Variants in SDK2 observed in about 807,000 individuals in gnomAD.
The protein encoded by SDK2 is sidekick cell adhesion molecule 2, also known as protein sidekick-2.
A neutral mutation model predicts 253.9 loss-of-function variants in SDK2; 105 were observed. The ratio of observed to expected loss-of-function variants is 0.41; its 90% CI spans 0.35 to 0.49. The LOEUF is 0.49. Ranked by LOEUF, SDK2 falls within the 20% of genes least tolerant of loss-of-function variation. The probability of loss-of-function intolerance (pLI) is 0.06; values close to 1 mark genes in which losing one functional copy is unlikely to be tolerated. For synonymous variants in SDK2, 1,249 were observed against 1,234.9 expected (o/e 1.01, Z -0.24); for missense variants, 2,608 against 3,003.0 (o/e 0.87, Z 3.07).
At position 73,391,513 on chromosome 17, in the gene SDK2, C is replaced by T; in HGVS notation, c.3924G>A (p.Leu1308=). The stretch of plus-strand genomic sequence containing the variant: ...CAGACGTGGTCCGCACCTCTGGGAA[C>T]AGGATGCCCATGGGTGGTCCTGGGA... ...DDVPGPPMGI[L]FPEVRTTSVR... is the part of the protein sequence containing the mutation. Residue 1308 remains leucine (L), a synonymous_variant, in exon 28 of 45, where the codon CTG becomes CTA. Coordinates refer to ENST00000392650, the MANE Select transcript of SDK2 (RefSeq NM_001144952.2). The T allele has an allele frequency of 7.7e-7, 1 of 1,304,816 alleles. No homozygotes were observed. The allele number at this position is 1,304,816 out of a possible 1,614,324, so 80.8% of individuals were successfully genotyped here. A position where few individuals can be genotyped will look rare whatever the true frequency, so the allele number is the denominator to read the frequency against.
intron 14 of SDK2, 42 bp downstream of exon 14, chr17:73,423,344 A>G (rs1378373900): frequency 6.6e-6 from 9 of 1,366,620 alleles, no homozygotes; most frequent in Non-Finnish European, 8.6e-6. Context: ...CCTAAGTCCA[A>G]GCTTGGGCGG....
chr17:73,391,650 C>T (rs1001988051), intron 27 of SDK2, 112 bp from the exon 28 acceptor site: 1 of 444,902 alleles, frequency 2.2e-6, no homozygotes, highest in Admixed American at 4.4e-5. Flanking sequence ...GGCCGCCCAG[C>T]TCAGTGAATT....
intron 1 of SDK2, among the ~76,000 whole-genome samples, chr17:73,524,053 C>T (rs1288311480): frequency 6.6e-6 from 1 of 152,172 alleles, no homozygotes; most frequent in East Asian, 1.9e-4. Context: ...CATCCCTTAC[C>T]TGCCCCTGCA....
intron 1 of SDK2, among the ~76,000 whole-genome samples, chr17:73,614,913 G>A (rs898413866): frequency 2.6e-5 from 4 of 151,188 alleles, no homozygotes; most frequent in Admixed American, 1.3e-4. Flanking sequence ...GGTTAGAAGC[G>A]CAAACCTCAG....
At chr17:73,404,150 T>C (rs1477100839) in intron 18 of SDK2, among the ~76,000 whole-genome samples, 1 of 152,214 alleles carries the variant, frequency 6.6e-6, no homozygotes, top group Non-Finnish European at 1.5e-5. Flanking sequence ...CAGTGTGGTT[T>C]GTGGAGTCAC....
intron 38 of SDK2, 28 bp downstream of exon 38, chr17:73,365,230 G>C: frequency 6.5e-7 from 1 of 1,533,276 alleles, no homozygotes; most frequent in Non-Finnish European, 8.8e-7. Context: ...GTGGGGGGCT[G>C]GGGAGCTGTG....
chr17:73,368,813 T>C (rs895208003), intron 36 of SDK2, among the ~76,000 whole-genome samples: 3 of 152,040 alleles, frequency 2.0e-5, no homozygotes, highest in African/African-American at 7.2e-5. Context: ...AGTTCAAGAC[T>C]AGCCTGGCCA....
intron 24 of SDK2, 137 bp downstream of exon 24, chr17:73,397,898 T>G: frequency 9.3e-6 from 9 of 968,520 alleles, no homozygotes; most frequent in Non-Finnish European, 1.4e-5. Flanking sequence ...TGGGCTAAGA[T>G]GTTGATTATC....
At chr17:73,559,588 C>T (rs904749799) in intron 1 of SDK2, among the ~76,000 whole-genome samples, 6 of 145,060 alleles carry the variant, frequency 4.1e-5, no homozygotes, top group African/African-American at 7.9e-5. Context: ...CTCCCCACTC[C>T]GCTCCCTGTG....
In SDK2 at chr17:73,401,009, T is replaced by C; in HGVS notation, c.2971+11A>G. ...AACTCAAAGAGTCCTGCCTTGAGAG[T>C]GGGCACTTACCTGGGGGCACCCCAG... On this transcript the variant is annotated intron_variant, in intron 21 of 44. Coordinates refer to ENST00000392650, the MANE Select transcript of SDK2 (RefSeq NM_001144952.2). The C allele has an allele frequency of 6.4e-7, 1 of 1,563,294 alleles. No homozygotes were observed. Among genetic ancestry groups the C allele is most frequent in the Non-Finnish European group, 8.7e-7 (1 of 1,153,538 alleles).
At chr17:73,483,661 G>GTGTGTGTGTATA (rs1388091890) in intron 2 of SDK2, among the ~76,000 whole-genome samples, 1 of 70,192 alleles carries the variant, frequency 1.4e-5, no homozygotes, top group African/African-American at 6.2e-5. Context: ...GTGTGTGTGT[G>GTGTGTGTGTATA]TATATATATA....
At position 73,348,724 on chromosome 17, in the gene SDK2, A is replaced by G. The variant is rs1318789076; in HGVS notation, c.6040T>C (p.Ser2014Pro). 6.2e-7 allele frequency: 1 copy of G among 1,604,158 alleles called. No homozygotes were observed. Among genetic ancestry groups the G allele is most frequent in the East Asian group, 2.2e-5 (1 of 44,700 alleles). The change falls in exon 44 of 45, where the codon TCT (serine) becomes CCT (proline). Residue 2014 changes from serine (S) to proline (P), a missense_variant and splice_region_variant. Ser to Pro is a moderately conservative substitution (Grantham distance 74). Around this residue, in one of 2 missense-constraint regions of SDK2, gnomAD observed 1,103 missense variants for 1,143.9 expected, o/e 0.96. Transcript: ENST00000392650. ...CTGCCTGGGCTGGGCCTGGGGGGAG[A>G]CCTGGAGAGAGCGGGGGAGTGGGGC... ...FCRKNGLYTR[S>P]PPRPSPGSLH...
intron 1 of SDK2, among the ~76,000 whole-genome samples, chr17:73,566,093 T>C (rs186863091): frequency 8.5e-4 from 129 of 152,316 alleles, no homozygotes; most frequent in African/African-American, 2.8e-3. Flanking sequence ...AGTCCTGGGA[T>C]TACAGGCGTG....
At position 73,402,032 on chromosome 17, in the gene SDK2, G is replaced by A; in HGVS notation, c.2594C>T (p.Thr865Ile). 1 of 1,613,970 alleles carries A rather than the reference G, an allele frequency of 6.2e-7. No individual in the cohort carries two copies. The highest frequency in any genetic ancestry group is 8.5e-7 in the Non-Finnish European group (1 of 1,179,862). ...VGFVSGLKKF[T>I]EYFTSVLCFT... ...ACACAGCACTGAGGTGAAGTACTCGGTGAACTTCTTCAGGCCAGACACGAA... is the reference window on the plus strand; with the variant it reads ...ACACAGCACTGAGGTGAAGTACTCGATGAACTTCTTCAGGCCAGACACGAA... Residue 865 changes from threonine to isoleucine, a missense_variant, in exon 19 of 45, where the codon ACC (threonine) becomes ATC (isoleucine). Physicochemically the swap from Thr to Ile is moderately conservative, Grantham distance 89 (BLOSUM62 -1). This residue lies in a region of SDK2 where 1,505 missense variants were observed against 1,859.1 expected (regional missense o/e 0.81). Coordinates refer to ENST00000392650, the MANE Select transcript of SDK2 (RefSeq NM_001144952.2).
chr17:73,455,448 A>C lies in SDK2; in HGVS notation c.479+458T>G, dbSNP rs111561886. Among the ~76,000 whole-genome samples, 5,688 of 152,050 alleles carry C rather than the reference A, an allele frequency of 0.037. 246 individuals are homozygous for C. The highest frequency in any genetic ancestry group is 0.096 in the African/African-American group (3,965 of 41,460). ...TTCCCTGGCCACACCTCCGCCGCAC[A>C]GCCAAGACACACACAGCCCTCACAC... is the stretch of plus-strand genomic sequence containing the variant. On this transcript the variant is annotated intron_variant, in intron 4 of 44. Transcript: ENST00000392650. This position sits in a 1 kb window ranked among gnomAD's most constrained non-coding sequence, Gnocchi z 5.0.
chr17:73,422,137 C>G, intron 15 of SDK2, 150 bp downstream of exon 15: 1 of 798,834 alleles, frequency 1.3e-6, no homozygotes. Context: ...CCTGGTGAGG[C>G]ACTCATCAGG....
At chr17:73,463,405 G>A (rs1471422076) in intron 3 of SDK2, among the ~76,000 whole-genome samples, 3 of 152,020 alleles carry the variant, frequency 2.0e-5, no homozygotes, top group East Asian at 1.9e-4. Flanking sequence ...AATATGTCAC[G>A]CATACAAAAG....
chr17:73,418,565 C>T (rs1252894999), intron 16 of SDK2, among the ~76,000 whole-genome samples: 1 of 152,160 alleles, frequency 6.6e-6, no homozygotes, highest in Non-Finnish European at 1.5e-5. Flanking sequence ...AGTTGCATAG[C>T]ATTTTGTAGC....
At chr17:73,491,404 GCT>G (rs981592566) in intron 2 of SDK2, among the ~76,000 whole-genome samples, 15 of 134,476 alleles carry the variant, frequency 1.1e-4, no homozygotes, top group African/African-American at 4.1e-4. Flanking sequence ...ACAGGGTCTT[GCT>G]CTGTCACCCA....
Sources: allele counts gnomAD v4.1 joint callset (sites outside exome capture counted in the v4.1 genomes callset), GRCh38; gene constraint gnomAD v4.1.1; regional missense constraint gnomAD v4.1.1; non-coding constraint Gnocchi (gnomAD v3.1); transcripts MANE v1.5; gene names NCBI Gene and HGNC (gene_info 2026-07-23, HGNC 2026-07-21).